RBFOX3: variants seen among roughly 807,000 people sequenced by gnomAD.
The protein encoded by RBFOX3 is RNA binding fox-1 homolog 3.
Under a neutral mutation model 48.7 loss-of-function variants are expected in RBFOX3, and 17 were observed. The ratio of observed to expected loss-of-function variants is 0.35; its 90% confidence interval spans 0.24 to 0.52. The LOEUF (loss-of-function observed/expected upper bound fraction) is 0.52. RBFOX3 is among the 20% of genes least tolerant of loss of function. The pLI, the probability that RBFOX3 is intolerant of heterozygous loss-of-function variation, is 0.94. For missense variants in RBFOX3, 382 were observed against 497.5 expected, an observed-to-expected ratio of 0.77 and a Z score of 2.21; for synonymous variants, 212 against 209.5, an observed-to-expected ratio of 1.01 and a Z score of -0.10.
intron 3 of RBFOX3, among the ~76,000 whole-genome samples, chr17:79,283,269 T>C (rs1187989035): frequency 1.6e-3 from 55 of 35,196 alleles, no homozygotes; most frequent in African/African-American, 6.3e-3. Context: ...CCTTTTCTTT[T>C]TTTTTTTTTT....
intron 1 of RBFOX3, chr17:79,598,613 C>A (rs2093629768): frequency 6.6e-6 from 1 of 152,038 alleles, no homozygotes; most frequent in African/African-American, 2.4e-5. Context: ...ATAAACAGAC[C>A]CTTCCAAGGG....
At chr17:79,284,958 G>C (rs538766591) in intron 3 of RBFOX3, among the ~76,000 whole-genome samples, 1 of 152,074 alleles carries the variant, frequency 6.6e-6, no homozygotes, top group Non-Finnish European at 1.5e-5. Flanking sequence ...GGCAGACACA[G>C]AAGTAGACCT....
At position 79,245,753 on chromosome 17, in the gene RBFOX3, G is replaced by A. The variant is rs562375831; in HGVS notation, c.-73-9948C>T. Among the ~76,000 whole-genome samples, 25 of 150,562 alleles carry A rather than the reference G, an allele frequency of 1.7e-4. 1 individual carries two copies. Among genetic ancestry groups the A allele is most frequent in the Middle Eastern group, 3.5e-3 (1 of 286 alleles). On this transcript the variant is annotated intron_variant, in intron 3 of 14. Coordinates refer to ENST00000693108, the MANE Select transcript of RBFOX3 (RefSeq NM_001350451.2). ...AGCGATTCTTCTGCTTCAGCCTCCCGTGTAGCTGGGATTACAGATGTACAC... is the reference window on the plus strand; with the variant it reads ...AGCGATTCTTCTGCTTCAGCCTCCCATGTAGCTGGGATTACAGATGTACAC...
At chr17:79,153,916 G>A (rs894905293) in intron 4 of RBFOX3, among the ~76,000 whole-genome samples, 5 of 152,104 alleles carry the variant, frequency 3.3e-5, no homozygotes, top group African/African-American at 1.2e-4. Flanking sequence ...CCACCCTCAA[G>A]TGACAACCGC....
chr17:79,474,950 C>A (rs1335042903), intron 2 of RBFOX3, among the ~76,000 whole-genome samples: 2 of 152,180 alleles, frequency 1.3e-5, no homozygotes, highest in African/African-American at 4.8e-5. Context: ...CCTGGAGAGA[C>A]CTCACAGGCT....
chr17:79,331,710 A>G (rs1336843977), intron 2 of RBFOX3, among the ~76,000 whole-genome samples: 1 of 152,192 alleles, frequency 6.6e-6, no homozygotes, highest in Non-Finnish European at 1.5e-5. Context: ...CACCGCAAGG[A>G]CTTTCTGAAC....
intron 4 of RBFOX3, among the ~76,000 whole-genome samples, chr17:79,120,324 G>T (rs1036913124): frequency 6.6e-6 from 1 of 152,144 alleles, no homozygotes; most frequent in Non-Finnish European, 1.5e-5. Context: ...ATGCATGGAT[G>T]GATGGATGGG....
intron 1 of RBFOX3, among the ~76,000 whole-genome samples, chr17:79,534,354 C>A (rs1297813724): frequency 6.6e-6 from 1 of 152,166 alleles, no homozygotes. Context: ...TTGCAGTCAT[C>A]GGAACATTGT....
chr17:79,575,053 A>G (rs1003539763), intron 1 of RBFOX3, among the ~76,000 whole-genome samples: 1 of 152,230 alleles, frequency 6.6e-6, no homozygotes, highest in Admixed American at 6.5e-5. Context: ...GAGTTTCAAA[A>G]TGACTGCTGC....
intron 4 of RBFOX3, among the ~76,000 whole-genome samples, chr17:79,117,938 G>C (rs1219750457): frequency 6.6e-6 from 1 of 152,192 alleles, no homozygotes; most frequent in Non-Finnish European, 1.5e-5. Context: ...TGGCCCCAAG[G>C]GACGGTCCAA....
At chr17:79,409,067 G>C (rs2063926382) in intron 2 of RBFOX3, among the ~76,000 whole-genome samples, 1 of 152,042 alleles carries the variant, frequency 6.6e-6, no homozygotes. Flanking sequence ...ACCTACCCTG[G>C]GTATTTCATA....
At chr17:79,337,549 G>A (rs1303838870) in intron 2 of RBFOX3, among the ~76,000 whole-genome samples, 2 of 152,250 alleles carry the variant, frequency 1.3e-5, no homozygotes, top group African/African-American at 2.4e-5. Context: ...GCCGAGGCGA[G>A]CAGATCACTT....
chr17:79,263,012 A>G (rs2066051781), intron 3 of RBFOX3, among the ~76,000 whole-genome samples: 1 of 152,134 alleles, frequency 6.6e-6, no homozygotes, highest in African/African-American at 2.4e-5. Flanking sequence ...CTCCCCCGGG[A>G]GAACTTGCTC....
the RBFOX3 span, among the ~76,000 whole-genome samples, chr17:79,622,313 G>A: frequency 1.3e-5 from 2 of 152,138 alleles, no homozygotes; most frequent in African/African-American, 2.4e-5. Flanking sequence ...ACCTGCTCTT[G>A]GAGAAGCATC....
chr17:79,660,696 G>C, the RBFOX3 span, among the ~76,000 whole-genome samples: 1 of 152,208 alleles, frequency 6.6e-6, no homozygotes, highest in African/African-American at 2.4e-5. Flanking sequence ...CTGTTGGTGA[G>C]AGTGTAAATA....
intron 1 of RBFOX3, among the ~76,000 whole-genome samples, chr17:79,607,343 C>T (rs1304257962): frequency 6.6e-6 from 1 of 152,000 alleles, no homozygotes; most frequent in Non-Finnish European, 1.5e-5. Context: ...CAAGCAGGAG[C>T]GTGGAAATAA....
intron 1 of RBFOX3, among the ~76,000 whole-genome samples, chr17:79,579,354 T>A (rs2092969479): frequency 6.6e-6 from 1 of 152,156 alleles, no homozygotes; most frequent in Non-Finnish European, 1.5e-5. Flanking sequence ...GGAGGCAACA[T>A]CACATCAGCC....
At chr17:79,370,118 C>T (rs2058317767) in intron 2 of RBFOX3, among the ~76,000 whole-genome samples, 1 of 152,232 alleles carries the variant, frequency 6.6e-6, no homozygotes, top group Non-Finnish European at 1.5e-5. Context: ...GGTCTTGGTG[C>T]CAACCCCATC....
intron 1 of RBFOX3, among the ~76,000 whole-genome samples, chr17:79,494,875 G>A (rs1357145282): frequency 1.3e-5 from 2 of 152,196 alleles, no homozygotes; most frequent in Non-Finnish European, 2.9e-5. Context: ...CCCAACAGAG[G>A]CACAAGAGGA....
Sources: allele counts gnomAD v4.1 joint callset (sites outside exome capture counted in the v4.1 genomes callset), GRCh38; gene constraint gnomAD v4.1.1; transcripts MANE v1.5; gene names NCBI Gene and HGNC (gene_info 2026-07-23, HGNC 2026-07-21).